The following SLC39A10 variants were observed in gnomAD, a reference collection of about 807,000 sequenced individuals.
The protein encoded by SLC39A10 is solute carrier family 39 member 10, also known as zinc transporter ZIP10.
In SLC39A10, 13 loss-of-function variants were observed where a neutral mutation model predicts 65.1. The observed-to-expected ratio is 0.20, with a 90% CI of 0.13 to 0.32. SLC39A10 has a LOEUF of 0.32. SLC39A10 is among the 10% of genes least tolerant of loss of function. The pLI is 1.00. For missense variants in SLC39A10, 831 were observed against 1,018.4 expected, an observed-to-expected ratio of 0.82 and a Z score of 2.50; for synonymous variants, 321 against 342.2, an observed-to-expected ratio of 0.94 and a Z score of 0.68.
intron 1 of SLC39A10, among the ~76,000 whole-genome samples, chr2:195,677,976 G>T (rs193275506): frequency 4.6e-5 from 7 of 152,208 alleles, no homozygotes; most frequent in Non-Finnish European, 4.4e-5. Context: ...TTAAACTCCT[G>T]ACCTCAGGTG....
At chr2:195,639,679 G>C (rs1364678031) in intron 2 of SLC39A10, among the ~76,000 whole-genome samples, 1 of 152,100 alleles carries the variant, frequency 6.6e-6, no homozygotes, top group African/African-American at 2.4e-5. Flanking sequence ...CACCTCCTGG[G>C]TTCCAGCAAT....
chr2:195,736,742 T>C lies in SLC39A10; in HGVS notation c.*1701T>C, dbSNP rs1692623363. 6.6e-6 allele frequency: 1 copy of C among 152,442 alleles called. No individual in the cohort carries two copies. The highest frequency in any genetic ancestry group is 2.1e-4 in the South Asian group (1 of 4,830). 9.4% of individuals were successfully genotyped at this position (152,442 alleles called of 1,614,324 possible). ...TACTCCATGGCCTCCTTATAATAAG[T>C]AGAAGTTTTATATATAATTAATTTT... On this transcript the variant is annotated 3_prime_UTR_variant, in exon 10 of 10. Transcript: ENST00000359634.
intron 2 of SLC39A10, among the ~76,000 whole-genome samples, chr2:195,622,972 CAAAAAAAAAA>C (rs11440347): frequency 8.3e-5 from 8 of 96,872 alleles, no homozygotes; most frequent in Admixed American, 2.2e-4. Context: ...ACTCCTGTCT[CAAAAAAAAAA>C]AAAAAAAAAA....
chr2:195,664,367 T>A (rs181355812), intron 1 of SLC39A10, among the ~76,000 whole-genome samples: 2,487 of 150,950 alleles, frequency 0.016, 32 homozygotes, highest in Non-Finnish European at 0.025. Context: ...GCTTTTCTTT[T>A]AAAAAAAAAT....
intron 1 of SLC39A10, among the ~76,000 whole-genome samples, chr2:195,667,191 T>C (rs1689667508): frequency 6.6e-6 from 1 of 152,218 alleles, no homozygotes; most frequent in Non-Finnish European, 1.5e-5. Context: ...GTGGAAAGAT[T>C]GGGTTGCCTG....
At chr2:195,731,059 G>C (rs1692418963) in intron 9 of SLC39A10, among the ~76,000 whole-genome samples, 3 of 152,228 alleles carry the variant, frequency 2.0e-5, no homozygotes, top group African/African-American at 7.2e-5. Flanking sequence ...AGCTCAACTA[G>C]AGCAATCCTT....
chr2:195,666,376 G>C (rs1018589311), intron 1 of SLC39A10, among the ~76,000 whole-genome samples: 1 of 151,722 alleles, frequency 6.6e-6, no homozygotes, highest in African/African-American at 2.4e-5. Flanking sequence ...ACAGTGACAA[G>C]ACACTGAAAA....
At chr2:195,718,378 C>A (rs1356336830) in intron 8 of SLC39A10, 46 bp downstream of exon 8, 2 of 1,425,278 alleles carry the variant, frequency 1.4e-6, no homozygotes, top group African/African-American at 1.4e-5. Flanking sequence ...AAATCTAAGA[C>A]TTCCTTAATT....
chr2:195,664,427 A>G (rs1436163537), intron 1 of SLC39A10, among the ~76,000 whole-genome samples: 4 of 152,122 alleles, frequency 2.6e-5, no homozygotes, highest in Admixed American at 2.0e-4. Flanking sequence ...AAAATTTAGC[A>G]GCAGTCATAG....
intron 1 of SLC39A10, among the ~76,000 whole-genome samples, chr2:195,675,092 A>T (rs1266612659): frequency 6.6e-6 from 1 of 152,184 alleles, no homozygotes; most frequent in African/African-American, 2.4e-5. Context: ...GACCTGACTG[A>T]TCAAAGATAC....
Position 195,732,775 on chromosome 2 carries a change from C to G in SLC39A10, c.2338-2108C>G, listed in dbSNP as rs546744436. Among the ~76,000 whole-genome samples the G allele has an allele frequency of 1.4e-3, 220 of 152,280 alleles. 4 individuals carry two copies. The highest frequency in any genetic ancestry group is 2.1e-4 in the Non-Finnish European group (14 of 68,028). ...GCTTTGGGGACCATATGGTTTCTGT[C>G]ACAGTTTTTCAACTCTGCTGTGGTA... On this transcript the variant is annotated intron_variant, in intron 9 of 9. Transcript: ENST00000359634.
At chr2:195,708,627 T>G in intron 4 of SLC39A10, 29 bp from the exon 5 acceptor site, 1 of 1,479,248 alleles carries the variant, frequency 6.8e-7, no homozygotes, top group Non-Finnish European at 9.0e-7. Context: ...AATTATTTGT[T>G]TAGAAGTTTT....
intron 3 of SLC39A10, among the ~76,000 whole-genome samples, chr2:195,684,902 T>C (rs1037030678): frequency 7.9e-5 from 12 of 152,222 alleles, no homozygotes; most frequent in African/African-American, 2.7e-4. Context: ...TACATACTTT[T>C]TAAATCTTAT....
chr2:195,681,687 G>A (rs1171994999), intron 2 of SLC39A10, among the ~76,000 whole-genome samples: 1 of 152,026 alleles, frequency 6.6e-6, no homozygotes, highest in Non-Finnish European at 1.5e-5. Context: ...GTTAGAAAAT[G>A]TATTCCTTAT....
chr2:195,632,410 C>A (rs1033009886), intron 2 of SLC39A10, among the ~76,000 whole-genome samples: 2 of 149,500 alleles, frequency 1.3e-5, no homozygotes, highest in African/African-American at 5.0e-5. Flanking sequence ...AGTGATTCTC[C>A]TGCCTCAGCC....
chr2:195,682,174 T>C (rs1690350256), intron 2 of SLC39A10, among the ~76,000 whole-genome samples: 2 of 152,344 alleles, frequency 1.3e-5, no homozygotes, highest in Admixed American at 1.3e-4. Context: ...GTTGATTCCT[T>C]GTTTATTCTA....
chr2:195,712,846 T>TAC (rs1248602337), intron 5 of SLC39A10, among the ~76,000 whole-genome samples: 1 of 152,238 alleles, frequency 6.6e-6, no homozygotes, highest in Non-Finnish European at 1.5e-5. Context: ...ACTATAAGAC[T>TAC]ACTAAGAGTC....
At chr2:195,640,910 C>T (rs1688800450) in intron 2 of SLC39A10, among the ~76,000 whole-genome samples, 2 of 152,160 alleles carry the variant, frequency 1.3e-5, no homozygotes, top group Admixed American at 6.5e-5. Context: ...TATAACTCCT[C>T]CCACACACAC....
chr2:195,696,872 A>T (rs1203982783), intron 3 of SLC39A10, among the ~76,000 whole-genome samples: 4 of 152,212 alleles, frequency 2.6e-5, no homozygotes, highest in African/African-American at 4.8e-5. Flanking sequence ...ATTTATTTTA[A>T]GCAAAGTGAG....
Sources: allele counts gnomAD v4.1 joint callset (sites outside exome capture counted in the v4.1 genomes callset), GRCh38; gene constraint gnomAD v4.1.1; transcripts MANE v1.5; gene names NCBI Gene and HGNC (gene_info 2026-07-23, HGNC 2026-07-21).